Variants in ILDR1 observed in about 807,000 individuals in gnomAD.
ILDR1 encodes immunoglobulin-like domain-containing receptor 1.
In ILDR1, 56 loss-of-function variants were observed where a neutral mutation model predicts 62.4. The observed-to-expected ratio is 0.90, with a 90% CI of 0.72 to 1.12. ILDR1 has a LOEUF of 1.12. ILDR1 is among the 50% of genes most tolerant of loss of function. The pLI, the probability that ILDR1 is intolerant of heterozygous loss-of-function variation, is 0.00. For missense variants in ILDR1, 736 were observed against 710.6 expected, an observed-to-expected ratio of 1.04 and a Z score of -0.41; for synonymous variants, 284 against 277.8, an observed-to-expected ratio of 1.02 and a Z score of -0.22.
chr3:122,004,345 G>T (rs891155340), intron 3 of ILDR1, among the ~76,000 whole-genome samples: 1 of 152,220 alleles, frequency 6.6e-6, no homozygotes, highest in Non-Finnish European at 1.5e-5. Flanking sequence ...AGTACACGGA[G>T]TGATAACTAA....
chr3:122,047,752 A>G, the ILDR1 span, among the ~76,000 whole-genome samples: 1 of 152,200 alleles, frequency 6.6e-6, no homozygotes, highest in Non-Finnish European at 1.5e-5. Context: ...AAGTGAGGCA[A>G]TGCCTCGCCC....
intron 4 of ILDR1, 52 bp downstream of exon 4, chr3:122,001,693 A>G (rs2107656087): frequency 1.2e-6 from 2 of 1,610,114 alleles, no homozygotes; most frequent in East Asian, 2.2e-5. Flanking sequence ...CCTGTGAGTA[A>G]AAGTGTTACG....
intron 7 of ILDR1, among the ~76,000 whole-genome samples, chr3:121,991,820 G>A (rs2071352056): frequency 6.6e-6 from 1 of 152,192 alleles, no homozygotes; most frequent in Admixed American, 6.5e-5. Context: ...CACCATGTAT[G>A]TGATTGAGTT....
chr3:122,006,868 T>G, intron 2 of ILDR1, 123 bp downstream of exon 2: 1 of 1,014,930 alleles, frequency 9.9e-7, no homozygotes, highest in South Asian at 1.5e-5. Flanking sequence ...CTACATTAGG[T>G]GATCTTTGTG....
chr3:122,033,707 A>T, the ILDR1 span, among the ~76,000 whole-genome samples: 1 of 152,080 alleles, frequency 6.6e-6, no homozygotes, highest in Admixed American at 6.6e-5. Flanking sequence ...TCTCTTATGG[A>T]TAAACAATTT....
In ILDR1 at chr3:122,004,178, G is replaced by A. The variant is rs554587139; in HGVS notation, c.379+1066C>T. On this transcript the variant is annotated intron_variant, in intron 3 of 7. Coordinates refer to ENST00000344209, the MANE Select transcript of ILDR1 (RefSeq NM_001199799.2). ...GGCCACCATGAGTGGCCCACTGGGT[G>A]TATTCTTCCCTTTTTCCCCTTTTAA... is the stretch of plus-strand genomic sequence containing the variant. Among the ~76,000 whole-genome samples the A allele has an allele frequency of 2.9e-4, 44 of 152,308 alleles. No homozygotes were observed. The South Asian group carries it at 6.8e-3, about 24-fold the overall frequency.
the ILDR1 span, among the ~76,000 whole-genome samples, chr3:122,040,383 T>C: frequency 6.6e-6 from 1 of 151,980 alleles, no homozygotes; most frequent in African/African-American, 2.4e-5. Context: ...GCATAAAAAA[T>C]ATCCATAGTT....
chr3:122,005,079 C>CAGCACATTCTATGAAGCT (rs1221944866), intron 3 of ILDR1, among the ~76,000 whole-genome samples, 165 bp downstream of exon 3: 3 of 152,192 alleles, frequency 2.0e-5, no homozygotes, highest in Non-Finnish European at 4.4e-5. Context: ...TCAGCTGGTG[C>CAGCACATTCTATGAAGCT]AGCACATTCT....
At chr3:121,992,614 A>T (rs2071364766) in intron 7 of ILDR1, among the ~76,000 whole-genome samples, 1 of 152,186 alleles carries the variant, frequency 6.6e-6, no homozygotes, top group Non-Finnish European at 1.5e-5. Flanking sequence ...GGGTTTTAAA[A>T]ATCAGTTTAA....
At chr3:122,053,301 G>A in the ILDR1 span, among the ~76,000 whole-genome samples, 1 of 151,790 alleles carries the variant, frequency 6.6e-6, no homozygotes, top group Non-Finnish European at 1.5e-5. Flanking sequence ...CTTTTTAATT[G>A]TTTGTTGTTT....
chr3:121,988,459 G>A (rs375365174), intron 7 of ILDR1, 51 bp from the exon 8 acceptor site: 33 of 1,407,082 alleles, frequency 2.3e-5, no homozygotes, highest in East Asian at 1.6e-4. Context: ...AGTGCAATCC[G>A]TCTATGCATG....
At chr3:122,035,544 C>T in the ILDR1 span, among the ~76,000 whole-genome samples, 1 of 152,256 alleles carries the variant, frequency 6.6e-6, no homozygotes, top group South Asian at 2.1e-4. Flanking sequence ...ATCGTGGGGG[C>T]AGATTTCCTC....
the ILDR1 span, among the ~76,000 whole-genome samples, chr3:122,044,709 G>T: frequency 6.6e-6 from 1 of 151,116 alleles, no homozygotes; most frequent in African/African-American, 2.4e-5. Context: ...TTGCGTAGAG[G>T]TGTTTGTAGT....
At chr3:122,046,878 C>A in the ILDR1 span, among the ~76,000 whole-genome samples, 2 of 145,906 alleles carry the variant, frequency 1.4e-5, no homozygotes, top group South Asian at 2.3e-4. Context: ...CCTCCCATAG[C>A]TCAGAGTAAT....
chr3:122,060,144 G>A, the ILDR1 span, among the ~76,000 whole-genome samples: 1 of 152,174 alleles, frequency 6.6e-6, no homozygotes, highest in East Asian at 1.9e-4. Context: ...AGGGAGGAGG[G>A]AAAGAAACCA....
At chr3:122,047,596 G>A in the ILDR1 span, among the ~76,000 whole-genome samples, 45 of 152,368 alleles carry the variant, frequency 3.0e-4, no homozygotes, top group Middle Eastern at 0.01. Context: ...TCCGAGCCAG[G>A]TGTGGGATAT....
At chr3:122,006,927 T>A (rs2071620315) in intron 2 of ILDR1, 64 bp downstream of exon 2, 1 of 1,528,392 alleles carries the variant, frequency 6.5e-7, no homozygotes, top group African/African-American at 1.4e-5. Context: ...CCCTCAACCC[T>A]AACCGCAGTA....
rs2071393036 is a variant in ILDR1 at position 121,993,731 on chromosome 3, A to T, written c.1018T>A (p.Ser340Thr). ...IHLPPLIRDL[S>T]SSRRTSDSLH... ...GAGTCACTGGTCCTCCTTGAGGATG[A>T]CAGGTCTCTGATCAGTGGGGGCAGG... The change falls in exon 7 of 8, where the codon TCA becomes ACA. Residue 340 changes from serine to threonine, a missense_variant. By Grantham distance (58) the Ser-to-Thr change is moderately conservative (BLOSUM62 1). Transcript: ENST00000344209. 2 of 1,614,012 alleles carry T rather than the reference A, an allele frequency of 1.2e-6. No homozygotes were observed. The highest frequency in any genetic ancestry group is 1.7e-5 in the Admixed American group (1 of 59,996).
the ILDR1 span, among the ~76,000 whole-genome samples, chr3:122,047,332 G>C: frequency 2.0e-5 from 3 of 152,224 alleles, no homozygotes; most frequent in African/African-American, 7.2e-5. Context: ...AGCTGTCAGA[G>C]AGGGACACTT....
Sources: gnomAD v4.1 joint callset for allele counts (sites outside exome capture counted in the v4.1 genomes callset) on GRCh38, gnomAD v4.1.1 for gene constraint, MANE v1.5 for transcripts, NCBI Gene and HGNC (gene_info 2026-07-23, HGNC 2026-07-21) for gene names.